CCKBR: variants seen among roughly 807,000 people sequenced by gnomAD.
CCKBR encodes the protein gastrin/cholecystokinin type B receptor.
CCKBR carries 33 observed loss-of-function variants against 34.6 expected under a neutral mutation model. The observed-to-expected ratio is 0.95, with a 90% CI of 0.72 to 1.27. CCKBR has a LOEUF of 1.27. Among genes scored for constraint, CCKBR ranks in the 50% most tolerant of loss-of-function variants. The pLI is 0.00. For synonymous variants in CCKBR, 269 were observed against 267.5 expected, an observed-to-expected ratio of 1.01 and a Z score of -0.06; for missense variants, 652 against 617.4, an observed-to-expected ratio of 1.06 and a Z score of -0.59.
At chr11:6,270,561 C>A (rs943902106) in intron 3 of CCKBR, 85 bp from the exon 4 acceptor site, 245 of 1,476,688 alleles carry the variant, frequency 1.7e-4, no homozygotes, top group Non-Finnish European at 2.2e-4. Flanking sequence ...TGGCCACAGC[C>A]CTAGAAACAC....
chr11:6,262,722 G>A (rs4495874), intron 1 of CCKBR, among the ~76,000 whole-genome samples: 4,275 of 119,070 alleles, frequency 0.036, 101 homozygotes, highest in Non-Finnish European at 0.052. Context: ...GAGAGAGAGA[G>A]AGAAAGAAAA....
In CCKBR at chr11:6,269,907, T is replaced by C; in HGVS notation, c.390T>C (p.Val130=). Reference sequence around the variant, plus strand: ...TTGGCACCGTCATCTGCAAGGCGGTTTCCTACCTCATGGGTGGGTGAGACA... The same window carrying C: ...TTGGCACCGTCATCTGCAAGGCGGTCTCCTACCTCATGGGTGGGTGAGACA... ...FIFGTVICKA[V]SYLMGVSVSV... The change falls in exon 2 of 5, where the codon GTT becomes GTC. Residue 130 remains valine, a synonymous_variant. Transcript: ENST00000334619. 2 of 1,613,974 alleles carry C rather than the reference T, an allele frequency of 1.2e-6. No homozygotes were observed. The highest frequency in any genetic ancestry group is 1.7e-6 in the Non-Finnish European group (2 of 1,179,946).
At chr11:6,261,454 A>AAAAT (rs1447691939) in intron 1 of CCKBR, among the ~76,000 whole-genome samples, 1 of 60,886 alleles carries the variant, frequency 1.6e-5, no homozygotes, top group Non-Finnish European at 3.0e-5. Context: ...AAAAAAAAAA[A>AAAAT]ATATATATAC....
chr11:6,264,729 A>G (rs1848186067), intron 1 of CCKBR: 3 of 489,318 alleles, frequency 6.1e-6, no homozygotes, highest in African/African-American at 6.0e-5. Context: ...ATCAATACAC[A>G]CACACACACA....
Position 6,271,591 on chromosome 11 carries a change from G to A in CCKBR, c.*48G>A. 2 of 1,492,130 alleles carry A rather than the reference G, an allele frequency of 1.3e-6. No homozygotes were observed. Among genetic ancestry groups the A allele is most frequent in the Non-Finnish European group, 1.8e-6 (2 of 1,120,930 alleles). 92.4% of individuals were successfully genotyped at this position (1,492,130 alleles called of 1,614,324 possible). A position where few individuals can be genotyped will look rare whatever the true frequency, so the allele number is the denominator to read the frequency against. ...TGAGGCAGGGCAAATGACATGCACT[G>A]ACCCTTCCAGACATACGAAACACAA... On this transcript the variant is annotated 3_prime_UTR_variant, in exon 5 of 5. Coordinates refer to ENST00000334619, the MANE Select transcript of CCKBR (RefSeq NM_176875.4).
Position 6,270,797 on chromosome 11 carries a change from C to G in CCKBR, c.805C>G (p.Leu269Val). The G allele has an allele frequency of 1.9e-6, 3 of 1,614,164 alleles. No individual in the cohort carries two copies. Among genetic ancestry groups the G allele is most frequent in the Non-Finnish European group, 2.5e-6 (3 of 1,180,044 alleles). ...AAGCAGGGTCCGAAACCAAGGCGGG[C>G]TGCCAGGTGGGGCTGGACCACGTGA... ...SQSRVRNQGGLPGAVHQNGRC... is the reference protein window; with the variant it reads ...SQSRVRNQGGVPGAVHQNGRC... The change falls in exon 4 of 5, where the codon CTG becomes GTG. Residue 269 changes from leucine to valine, a missense_variant. By Grantham distance (32) the Leu-to-Val change is conservative. Coordinates refer to ENST00000334619, the MANE Select transcript of CCKBR (RefSeq NM_176875.4).
chr11:6,271,352 G>A lies in CCKBR; in HGVS notation c.1153G>A (p.Val385Ile). The A allele has an allele frequency of 6.2e-7, 1 of 1,614,164 alleles. No individual in the cohort carries two copies. Among genetic ancestry groups the A allele is most frequent in the African/African-American group, 1.3e-5 (1 of 75,048 alleles). ...IHLLSYASAC[V>I]NPLVYCFMHR... is the part of the protein sequence containing the mutation. ...CTTGCTGAGCTACGCCTCGGCCTGT[G>A]TCAACCCCCTGGTCTACTGCTTCAT... is the stretch of plus-strand genomic sequence containing the variant. Residue 385 changes from valine to isoleucine, a missense_variant, in exon 5 of 5, where the codon GTC becomes ATC. By Grantham distance (29) the Val-to-Ile change is conservative. Transcript: ENST00000334619.
intron 1 of CCKBR, chr11:6,264,475 C>T (rs754018090): frequency 1.5e-6 from 1 of 683,918 alleles, no homozygotes; most frequent in South Asian, 1.6e-5. Context: ...ATTATCTAGA[C>T]AGAACAAATA....
intron 1 of CCKBR, among the ~76,000 whole-genome samples, chr11:6,261,465 A>G (rs867787781): frequency 2.4e-4 from 27 of 113,610 alleles, no homozygotes; most frequent in African/African-American, 8.0e-4. Flanking sequence ...ATATATATAC[A>G]CACACACACA....
At chr11:6,267,507 A>G (rs181209752) in intron 1 of CCKBR, among the ~76,000 whole-genome samples, 2 of 152,330 alleles carry the variant, frequency 1.3e-5, no homozygotes, top group Admixed American at 6.5e-5. Context: ...GTCATCTCCT[A>G]TAATAACGGT....
rs1175359536 is a variant in CCKBR at position 6,270,819 on chromosome 11, G to A, written c.811+16G>A. On this transcript the variant is annotated intron_variant, in intron 4 of 4. Transcript: ENST00000334619. ...GGGCTGCCAGGTGGGGCTGGACCACGTGAGCAAAATCTGGGCGAGGCGGAG... is the reference window on the plus strand; with the variant it reads ...GGGCTGCCAGGTGGGGCTGGACCACATGAGCAAAATCTGGGCGAGGCGGAG... The A allele has an allele frequency of 1.2e-6, 2 of 1,614,042 alleles. No homozygotes were observed. The highest frequency in any genetic ancestry group is 1.1e-5 in the South Asian group (1 of 91,084).
rs60130505 is a variant in CCKBR at position 6,266,503 on chromosome 11, AAAAC to A, written c.152-3150_152-3147del. On this transcript the variant is annotated intron_variant, in intron 1 of 4. Coordinates refer to ENST00000334619, the MANE Select transcript of CCKBR (RefSeq NM_176875.4). ...AAACTCCATCTCAAAAACAAAAACA[AAAAC>A]AAACAAACAAACAAAAAACATGGAG... Among the ~76,000 whole-genome samples the A allele has an allele frequency of 1.5e-3, 226 of 151,770 alleles. 2 individuals are homozygous for A. Among genetic ancestry groups the A allele is most frequent in the African/African-American group, 5.1e-3 (211 of 41,314 alleles).
rs1447691939 is a variant in CCKBR, at chr11:6,261,454, A to AAAAATATAT, written c.151+1376_151+1377insAAATATATA. 3.3e-3 allele frequency among the ~76,000 whole-genome samples: 199 copies of AAAAATATAT among 60,882 alleles called. 3 individuals are homozygous for AAAAATATAT. The highest frequency in any genetic ancestry group is 4.9e-3 in the South Asian group (7 of 1,434). The allele number at this position is 60,882 out of a possible 152,430, so 39.9% of individuals were successfully genotyped here. ...GTTGGCAAAAAAAAAAAAAAAAAAA[A>AAAAATATAT]ATATATATACACACACACACACACA... On this transcript the variant is annotated intron_variant, in intron 1 of 4. Transcript: ENST00000334619.
Position 6,263,302 on chromosome 11 carries a change from C to T in CCKBR, c.151+3223C>T, listed in dbSNP as rs189530894. ...CTACTCACTTTCATTTTATTATTAT[C>T]CACACACAACCAGATATTACCTATG... On this transcript the variant is annotated intron_variant, in intron 1 of 4. Coordinates refer to ENST00000334619, the MANE Select transcript of CCKBR (RefSeq NM_176875.4). 2.1e-3 allele frequency among the ~76,000 whole-genome samples: 321 copies of T among 152,212 alleles called. 3 individuals are homozygous for T. The highest frequency in any genetic ancestry group is 0.018 in the Admixed American group (282 of 15,290).
chr11:6,263,741 G>A (rs2133896686), intron 1 of CCKBR, among the ~76,000 whole-genome samples: 1 of 152,044 alleles, frequency 6.6e-6, no homozygotes, highest in South Asian at 2.1e-4. Context: ...CAAAGTGCTG[G>A]GATTACAGAT....
intron 1 of CCKBR, among the ~76,000 whole-genome samples, chr11:6,262,467 G>C (rs1848148030): frequency 6.6e-6 from 1 of 152,060 alleles, no homozygotes; most frequent in South Asian, 2.1e-4. Flanking sequence ...AAGCAGGTTG[G>C]GGTAAGTGAT....
At chr11:6,269,061 C>T (rs555250778) in intron 1 of CCKBR, among the ~76,000 whole-genome samples, 1 of 138,210 alleles carries the variant, frequency 7.2e-6, no homozygotes, top group Non-Finnish European at 1.5e-5. Context: ...GCCTGCTGTA[C>T]AGGGAGGGGG....
chr11:6,269,554 G>C, intron 1 of CCKBR, 115 bp from the exon 2 acceptor site: 1 of 1,208,792 alleles, frequency 8.3e-7, no homozygotes, highest in Non-Finnish European at 1.2e-6. Context: ...CAGTTCATCG[G>C]TGGGGAATGT....
intron 1 of CCKBR, among the ~76,000 whole-genome samples, chr11:6,262,682 AAGAAAG>A (rs1200689528): frequency 7.8e-5 from 7 of 90,062 alleles, no homozygotes; most frequent in African/African-American, 1.5e-4. Context: ...CTGGTAGGCA[AAGAAAG>A]AGAGAGAGAG....
Sources: allele counts gnomAD v4.1 joint callset (sites outside exome capture counted in the v4.1 genomes callset), GRCh38; gene constraint gnomAD v4.1.1; transcripts MANE v1.5; gene names NCBI Gene and HGNC (gene_info 2026-07-23, HGNC 2026-07-21).